Variants in VPS35 observed in about 807,000 individuals in gnomAD.
VPS35 encodes vacuolar protein sorting-associated protein 35.
VPS35 carries 21 observed loss-of-function variants against 98.1 expected under a neutral mutation model. The ratio of observed to expected loss-of-function variants is 0.21; its 90% CI spans 0.15 to 0.31. The LOEUF (loss-of-function observed/expected upper bound fraction) is 0.31, where lower values mean the gene tolerates loss of function less well. VPS35 is among the 10% of genes least tolerant of loss of function. The pLI is 1.00. For missense variants in VPS35, 554 were observed against 950.8 expected (o/e 0.58, Z 5.49); for synonymous variants, 268 against 318.2 (o/e 0.84, Z 1.68).
intron 8 of VPS35, 99 bp from the exon 9 acceptor site, chr16:46,674,759 G>A (rs1439684431): frequency 3.6e-6 from 4 of 1,119,638 alleles, no homozygotes; most frequent in South Asian, 2.9e-5. Context: ...TCTATATTTT[G>A]TATGAGCCCA....
chr16:46,682,643 T>C (rs1966251620), intron 2 of VPS35: 1 of 158,978 alleles, frequency 6.3e-6, no homozygotes, highest in African/African-American at 2.4e-5. Flanking sequence ...TATGTTCCAC[T>C]TAACTCAGAA....
chr16:46,678,610 C>T (rs1054619145), intron 6 of VPS35, among the ~76,000 whole-genome samples: 1 of 152,174 alleles, frequency 6.6e-6, no homozygotes, highest in African/African-American at 2.4e-5. Context: ...TCAACTTGTT[C>T]TTCCTTTTCA....
At chr16:46,683,732 AT>A (rs947680222) in intron 1 of VPS35, 126 bp from the exon 2 acceptor site, 1,959 of 952,390 alleles carry the variant, frequency 2.1e-3, no homozygotes, top group Non-Finnish European at 2.4e-3. Flanking sequence ...CATTTACCAA[AT>A]TTTTTTTTTG....
intron 13 of VPS35, among the ~76,000 whole-genome samples, chr16:46,665,377 G>A (rs775036702): frequency 1.3e-5 from 2 of 152,078 alleles, no homozygotes; most frequent in African/African-American, 2.4e-5. Context: ...CAGGAGGATC[G>A]CTTGAGCCCA....
chr16:46,681,344 G>C (rs1467213052), intron 4 of VPS35, 33 bp downstream of exon 4: 1 of 1,612,534 alleles, frequency 6.2e-7, no homozygotes, highest in African/African-American at 1.3e-5. Flanking sequence ...GAGAAATACA[G>C]ACACAAAAGT....
rs1966191759 is a variant in VPS35, at chr16:46,678,923, G to A, written c.720+20C>T. The stretch of plus-strand genomic sequence containing the variant: ...CAGTTTATCTCTGAACATAAGAAGA[G>A]GTAACAAAAATATATAAACCTGTTT... On this transcript the variant is annotated intron_variant, in intron 6 of 16. Transcript: ENST00000299138. 1 of 1,610,708 alleles carries A rather than the reference G, an allele frequency of 6.2e-7. No homozygotes were observed. Among genetic ancestry groups the A allele is most frequent in the African/African-American group, 1.3e-5 (1 of 74,764 alleles).
chr16:46,660,820 C>CAA lies in VPS35; in HGVS notation c.2212-171_2212-170dup, dbSNP rs33973421. 0.26 allele frequency: 85,103 copies of CAA among 329,144 alleles called. 8,237 individuals are homozygous for CAA. Among genetic ancestry groups the CAA allele is most frequent in the Non-Finnish European group, 0.3 (53,652 of 178,632 alleles). The allele number at this position is 329,144 out of a possible 1,614,324, so 20.4% of individuals were successfully genotyped here. The stretch of plus-strand genomic sequence containing the variant: ...CCTAGTTTGAACAATTACTGACTAT[C>CAA]AAAAAAAAAAAAAAAAAAACAACCC... On this transcript the variant is annotated intron_variant, in intron 16 of 16. Coordinates refer to ENST00000299138, the MANE Select transcript of VPS35 (RefSeq NM_018206.6).
chr16:46,686,773 C>T (rs772240263), intron 1 of VPS35, among the ~76,000 whole-genome samples: 1 of 152,138 alleles, frequency 6.6e-6, no homozygotes, highest in Non-Finnish European at 1.5e-5. Flanking sequence ...TGTAAATGAC[C>T]GTACTTCACA....
In VPS35 at chr16:46,680,677, G is replaced by T. The variant is rs753047950; in HGVS notation, c.500C>A (p.Pro167Gln). ...TRNILPDEGE[P>Q]TDEETTGDIS... ...AAGAAAGAAAATCACTTACTCTGTT[G>T]GCTCTCCTTCATCAGGTAAGATATT... The change falls in exon 5 of 17, where the codon CCA becomes CAA. Residue 167 changes from proline (P) to glutamine (Q), a missense_variant. Pro to Gln is a moderately conservative substitution (Grantham distance 76). Around this residue, in one of 5 missense-constraint regions of VPS35, gnomAD observed 77 missense variants for 222.3 expected, o/e 0.35. Coordinates refer to ENST00000299138, the MANE Select transcript of VPS35 (RefSeq NM_018206.6). 1 of 1,613,682 alleles carries T rather than the reference G, an allele frequency of 6.2e-7. No individual in the cohort carries two copies. Among genetic ancestry groups the T allele is most frequent in the Non-Finnish European group, 8.5e-7 (1 of 1,179,782 alleles).
At position 46,658,002 on chromosome 16, in the gene VPS35, C is replaced by A. The variant is rs915767223; in HGVS notation, c.*2470G>T. 7.2e-5 allele frequency: 11 copies of A among 152,114 alleles called. No homozygotes were observed. The highest frequency in any genetic ancestry group is 1.5e-5 in the Non-Finnish European group (1 of 68,016). The allele number at this position is 152,114 out of a possible 1,614,324, so 9.4% of individuals were successfully genotyped here. ...AATAGCAGACACACAAAGCACAAAGCCAAATATTTATTACATCCAATAGAC... is the reference window on the plus strand; with the variant it reads ...AATAGCAGACACACAAAGCACAAAGACAAATATTTATTACATCCAATAGAC... On this transcript the variant is annotated 3_prime_UTR_variant, in exon 17 of 17. Transcript: ENST00000299138.
intron 6 of VPS35, 54 bp from the exon 7 acceptor site, chr16:46,677,452 C>CTATTCCTCTAGT (rs1447282004): frequency 6.9e-7 from 1 of 1,457,098 alleles, no homozygotes; most frequent in East Asian, 2.3e-5. Context: ...AAATCTTAAG[C>CTATTCCTCTAGT]TATTCCTCTA....
chr16:46,662,530 A>T, intron 14 of VPS35, 48 bp from the exon 15 acceptor site: 2 of 1,607,306 alleles, frequency 1.2e-6, no homozygotes, highest in Admixed American at 1.7e-5. Flanking sequence ...ACCATCCTCT[A>T]GTTGAGCATT....
rs550123091 is a variant in VPS35, at chr16:46,656,557, C to T, written c.*3915G>A. The T allele has an allele frequency of 6.6e-6, 1 of 152,312 alleles. No individual in the cohort carries two copies. The highest frequency in any genetic ancestry group is 2.4e-5 in the African/African-American group (1 of 41,564). 9.4% of individuals were successfully genotyped at this position (152,312 alleles called of 1,614,324 possible). The stretch of plus-strand genomic sequence containing the variant: ...TAATTTATAGTTTGACTCTCAAACA[C>T]AATTGATAATACCCCTTTCCCAGCA... On this transcript the variant is annotated 3_prime_UTR_variant, in exon 17 of 17. Transcript: ENST00000299138.
intron 1 of VPS35, among the ~76,000 whole-genome samples, chr16:46,687,902 T>C (rs1018898183): frequency 3.3e-5 from 5 of 152,172 alleles, no homozygotes; most frequent in Non-Finnish European, 4.4e-5. Context: ...GGCTGATTGC[T>C]CCCAACTGGT....
intron 13 of VPS35, among the ~76,000 whole-genome samples, chr16:46,665,094 A>G (rs2143006277): frequency 6.6e-6 from 1 of 152,342 alleles, no homozygotes; most frequent in Non-Finnish European, 1.5e-5. Context: ...TCCTAGAAGT[A>G]TTATAGTAAT....
rs1398131128 is a variant in VPS35, at chr16:46,672,149, T to A, written c.1368+116A>T. On this transcript the variant is annotated intron_variant, in intron 11 of 16. Coordinates refer to ENST00000299138, the MANE Select transcript of VPS35 (RefSeq NM_018206.6). ...TTTTTAATTTATATAATGAAAAAGT[T>A]ACTTGTAAATTTTATTTAGTATTGA... 11 of 901,976 alleles carry A rather than the reference T, an allele frequency of 1.2e-5. No individual in the cohort carries two copies. The African/African-American group carries it at 1.9e-4, about 15-fold the overall frequency. 55.9% of individuals were successfully genotyped at this position (901,976 alleles called of 1,614,324 possible).
chr16:46,656,812 C>G lies in VPS35; in HGVS notation c.*3660G>C, dbSNP rs879711435. ...ACAAGGTCAGAAGTTCGTGACCAGC[C>G]TGGCCAACATGGTGAAACCCCCATC... On this transcript the variant is annotated 3_prime_UTR_variant, in exon 17 of 17. Transcript: ENST00000299138. 4.6e-5 allele frequency: 7 copies of G among 152,212 alleles called. No individual in the cohort carries two copies. Among genetic ancestry groups the G allele is most frequent in the Admixed American group, 4.6e-4 (7 of 15,274 alleles). 9.4% of individuals were successfully genotyped at this position (152,212 alleles called of 1,614,324 possible).
At chr16:46,686,484 A>G (rs544405844) in intron 1 of VPS35, among the ~76,000 whole-genome samples, 1 of 152,346 alleles carries the variant, frequency 6.6e-6, no homozygotes, top group East Asian at 1.9e-4. Flanking sequence ...AACTCAGCTT[A>G]AAATAGAAAT....
intron 6 of VPS35, among the ~76,000 whole-genome samples, chr16:46,677,907 A>G (rs1317983926): frequency 1.3e-5 from 2 of 152,168 alleles, no homozygotes; most frequent in African/African-American, 4.8e-5. Context: ...ATTAGGTTCT[A>G]TATTTAGGTC....
Sources: allele counts gnomAD v4.1 joint callset (sites outside exome capture counted in the v4.1 genomes callset), GRCh38; gene constraint gnomAD v4.1.1; regional missense constraint gnomAD v4.1.1; transcripts MANE v1.5; gene names NCBI Gene and HGNC (gene_info 2026-07-23, HGNC 2026-07-21).